CLMN: variants seen among roughly 807,000 people sequenced by gnomAD.
CLMN encodes calmin (calponin-like, transmembrane).
CLMN carries 57 observed loss-of-function variants against 92.7 expected under a neutral mutation model. That is an observed-to-expected ratio of 0.61 (90% confidence interval 0.50 to 0.77). The LOEUF is 0.77. Among genes scored for constraint, CLMN ranks in the 30% least tolerant of loss-of-function variants. The pLI, the probability that CLMN is intolerant of heterozygous loss-of-function variation, is 0.00. For missense variants in CLMN, 1,158 were observed against 1,237.5 expected (o/e 0.94, Z 0.96); for synonymous variants, 466 against 470.6 (o/e 0.99, Z 0.13).
At chr14:95,276,516 G>A (rs748774158) in intron 1 of CLMN, among the ~76,000 whole-genome samples, 1 of 152,154 alleles carries the variant, frequency 6.6e-6, no homozygotes, top group Non-Finnish European at 1.5e-5. Context: ...ACGAGTGGCT[G>A]GCTGAACTGT....
At chr14:95,265,595 G>A (rs1899441655) in intron 1 of CLMN, among the ~76,000 whole-genome samples, 1 of 152,262 alleles carries the variant, frequency 6.6e-6, no homozygotes, top group Admixed American at 6.5e-5. Flanking sequence ...ACAAAGAGGA[G>A]AAGGCACTAC....
chr14:95,210,515 A>G (rs536874802), intron 7 of CLMN, among the ~76,000 whole-genome samples, 171 bp downstream of exon 7: 3 of 152,374 alleles, frequency 2.0e-5, no homozygotes, highest in Admixed American at 6.5e-5. Flanking sequence ...AAATATAATT[A>G]GAGGCATATA....
At chr14:95,241,167 T>C (rs1466236879) in intron 1 of CLMN, among the ~76,000 whole-genome samples, 1 of 151,554 alleles carries the variant, frequency 6.6e-6, no homozygotes, top group Non-Finnish European at 1.5e-5. Flanking sequence ...AACCCCACAC[T>C]CACCCTGTAA....
intron 1 of CLMN, among the ~76,000 whole-genome samples, chr14:95,278,027 C>A (rs762090029): frequency 1.3e-5 from 2 of 152,206 alleles, no homozygotes; most frequent in Non-Finnish European, 2.9e-5. Context: ...TTTACTGATT[C>A]TTTCCCTCTC....
At chr14:95,277,361 C>T (rs1052739994) in intron 1 of CLMN, among the ~76,000 whole-genome samples, 1 of 152,204 alleles carries the variant, frequency 6.6e-6, no homozygotes, top group African/African-American at 2.4e-5. Flanking sequence ...GAAACAAAAA[C>T]TGGATGAGGT....
At chr14:95,233,582 C>T (rs1394201102) in intron 1 of CLMN, among the ~76,000 whole-genome samples, 2 of 152,222 alleles carry the variant, frequency 1.3e-5, no homozygotes, top group Non-Finnish European at 2.9e-5. Context: ...GGAATCTGCA[C>T]TCCAAGAATT....
At chr14:95,279,553 GT>G (rs1282065239) in intron 1 of CLMN, among the ~76,000 whole-genome samples, 1 of 152,242 alleles carries the variant, frequency 6.6e-6, no homozygotes, top group Non-Finnish European at 1.5e-5. Context: ...GGAGGCCCAG[GT>G]GGGCGGATCA....
chr14:95,274,105 T>C (rs542416467), intron 1 of CLMN, among the ~76,000 whole-genome samples: 5 of 152,220 alleles, frequency 3.3e-5, no homozygotes, highest in Non-Finnish European at 2.9e-5. Flanking sequence ...TTGTGATTTC[T>C]ATATTTCTCA....
Position 95,184,827 on chromosome 14 carries a change from G to T in CLMN, c.*6737C>A. 1 of 152,448 alleles carries T rather than the reference G, an allele frequency of 6.6e-6. No homozygotes were observed. The highest frequency in any genetic ancestry group is 1.5e-5 in the Non-Finnish European group (1 of 68,130). The allele number at this position is 152,448 out of a possible 1,614,324, so 9.4% of individuals were successfully genotyped here. A position where few individuals can be genotyped will look rare whatever the true frequency, so the allele number is the denominator to read the frequency against. On this transcript the variant is annotated 3_prime_UTR_variant, in exon 13 of 13. Transcript: ENST00000298912. The stretch of plus-strand genomic sequence containing the variant: ...GACTCTTAAGAAAAATCAGAGTGAA[G>T]GCCAGGCACAGTGGTTCATGCCTAT...
chr14:95,266,135 A>T (rs1377439703), intron 1 of CLMN, among the ~76,000 whole-genome samples: 2 of 152,248 alleles, frequency 1.3e-5, no homozygotes, highest in East Asian at 3.8e-4. Context: ...TTCCTCTAAG[A>T]TCTGGAACGA....
intron 4 of CLMN, among the ~76,000 whole-genome samples, chr14:95,220,759 G>C (rs762485892): frequency 1.3e-5 from 2 of 152,184 alleles, no homozygotes; most frequent in African/African-American, 4.8e-5. Context: ...CATCCTGTCC[G>C]GGCCTTTGAA....
intron 6 of CLMN, among the ~76,000 whole-genome samples, chr14:95,212,438 T>G (rs982984169): frequency 1.3e-5 from 2 of 152,174 alleles, no homozygotes; most frequent in African/African-American, 2.4e-5. Context: ...AAAGGCCTGA[T>G]ACAAAACTGC....
intron 1 of CLMN, among the ~76,000 whole-genome samples, chr14:95,242,399 C>T (rs765420483): frequency 6.6e-6 from 1 of 151,366 alleles, no homozygotes; most frequent in Non-Finnish European, 1.5e-5. Context: ...TCTGGGATTA[C>T]AGGCATGCAC....
intron 6 of CLMN, among the ~76,000 whole-genome samples, chr14:95,211,807 C>T (rs956763307): frequency 3.9e-5 from 6 of 152,128 alleles, no homozygotes; most frequent in Non-Finnish European, 7.4e-5. Flanking sequence ...TTATCCAAAC[C>T]AGAACACCAA....
At position 95,213,259 on chromosome 14, in the gene CLMN, T is replaced by C. The variant is rs1239605624; in HGVS notation, c.568A>G (p.Ile190Val). 6.2e-7 allele frequency: 1 copy of C among 1,613,974 alleles called. No homozygotes were observed. The highest frequency in any genetic ancestry group is 8.5e-7 in the Non-Finnish European group (1 of 1,180,014). ...TGCACCCACGCCAACAGGGCCTTGA[T>C]AGCCTTCCTCTGGTCTTTCACCGAT... ...AISVKDQRKA[I>V]KALLAWVQRK... The change falls in exon 6 of 13, where the codon ATC (isoleucine) becomes GTC (valine). Residue 190 changes from isoleucine to valine, a missense_variant. Transcript: ENST00000298912.
At chr14:95,210,911 G>C in intron 6 of CLMN, 32 bp from the exon 7 acceptor site, 2 of 1,489,674 alleles carry the variant, frequency 1.3e-6, no homozygotes, top group Non-Finnish European at 1.8e-6. Context: ...CGGCCAGGAT[G>C]CTGGTTAGTA....
At chr14:95,299,433 A>G (rs1279404085) in intron 1 of CLMN, among the ~76,000 whole-genome samples, 4 of 152,164 alleles carry the variant, frequency 2.6e-5, no homozygotes, top group African/African-American at 9.7e-5. Flanking sequence ...GGCTTCCGGC[A>G]TTCATTCATT....
chr14:95,215,815 CTGTGTG>C (rs57063101), intron 4 of CLMN, 82 bp from the exon 5 acceptor site: 56,686 of 562,946 alleles, frequency 0.1, 2,421 homozygotes, highest in East Asian at 0.36. Context: ...CTCTCTCTCT[CTGTGTG>C]TGTGTGTGTG....
intron 1 of CLMN, among the ~76,000 whole-genome samples, chr14:95,312,976 C>T (rs528177490): frequency 2.6e-5 from 4 of 152,312 alleles, no homozygotes; most frequent in Middle Eastern, 3.4e-3. Context: ...GAGGCCAAGG[C>T]AGGTGGATCA....
Sources: gnomAD v4.1 joint callset for allele counts (sites outside exome capture counted in the v4.1 genomes callset) on GRCh38, gnomAD v4.1.1 for gene constraint, MANE v1.5 for transcripts, NCBI Gene and HGNC (gene_info 2026-07-23, HGNC 2026-07-21) for gene names.